Variants in DISP1 observed in about 807,000 individuals in gnomAD.
The protein encoded by DISP1 is dispatched RND transporter family member 1.
In DISP1, 30 loss-of-function variants were observed where a neutral mutation model predicts 37.3. The observed-to-expected ratio is 0.80, with a 90% CI of 0.60 to 1.09. DISP1 has a LOEUF of 1.09. Among genes scored for constraint, DISP1 ranks in the 50% least tolerant of loss-of-function variants. The pLI is 0.00. For missense variants in DISP1, 1,598 were observed against 1,879.5 expected, an observed-to-expected ratio of 0.85 and a Z score of 2.77; for synonymous variants, 634 against 690.2, an observed-to-expected ratio of 0.92 and a Z score of 1.28.
At chr1:222,857,731 T>C (rs750420614) in intron 1 of DISP1, among the ~76,000 whole-genome samples, 7 of 152,000 alleles carry the variant, frequency 4.6e-5, no homozygotes, top group Non-Finnish European at 8.8e-5. Flanking sequence ...ACAAGGGAAG[T>C]AAAGGACCTC....
chr1:222,965,863 C>T (rs1482083951), intron 3 of DISP1, among the ~76,000 whole-genome samples: 1 of 151,898 alleles, frequency 6.6e-6, no homozygotes, highest in Non-Finnish European at 1.5e-5. Context: ...AGTGAGACCT[C>T]GTCTCTTAAA....
chr1:222,833,759 T>A lies in DISP1; in HGVS notation c.-159+18681T>A, dbSNP rs1210895243. Reference sequence around the variant, plus strand: ...AGATTGATTTTTATGCAGAGACTTTTAGTATAGTAGATTTGGAGCTAGAAG... The same window carrying A: ...AGATTGATTTTTATGCAGAGACTTTAAGTATAGTAGATTTGGAGCTAGAAG... On this transcript the variant is annotated intron_variant, in intron 1 of 8. Coordinates refer to ENST00000675850, the MANE Select transcript of DISP1 (RefSeq NM_001377229.1). 6.4e-4 allele frequency among the ~76,000 whole-genome samples: 98 copies of A among 152,218 alleles called. 1 individual carries two copies. The highest frequency in any genetic ancestry group is 2.9e-5 in the Non-Finnish European group (2 of 68,048).
chr1:222,943,698 TA>T (rs1288667550), intron 3 of DISP1: 9 of 297,836 alleles, frequency 3.0e-5, no homozygotes. Flanking sequence ...TATTTGCTGT[TA>T]TTGATAGTGG....
chr1:222,859,596 C>T (rs1371401939), intron 1 of DISP1, among the ~76,000 whole-genome samples: 2 of 152,114 alleles, frequency 1.3e-5, no homozygotes, highest in African/African-American at 2.4e-5. Flanking sequence ...TAAATAAAGG[C>T]TCTTGGATAT....
Position 222,860,854 on chromosome 1 carries a change from C to T in DISP1, c.-159+45776C>T, listed in dbSNP as rs144846488. ...CACCACTGCACTCCAGCCTGGGAGA[C>T]AGAGTGAGACTTTGTCTCAAAAAAA... On this transcript the variant is annotated intron_variant, in intron 1 of 8. Transcript: ENST00000675850. 5.9e-3 allele frequency among the ~76,000 whole-genome samples: 903 copies of T among 151,936 alleles called. 8 individuals carry two copies. Among genetic ancestry groups the T allele is most frequent in the African/African-American group, 0.021 (850 of 41,440 alleles).
chr1:222,888,888 T>C (rs904052831), intron 1 of DISP1, among the ~76,000 whole-genome samples: 4 of 152,036 alleles, frequency 2.6e-5, no homozygotes, highest in African/African-American at 4.8e-5. Flanking sequence ...GCTTACTTTT[T>C]TCTCTTTCTT....
intron 2 of DISP1, among the ~76,000 whole-genome samples, chr1:222,937,673 A>G (rs1674055673): frequency 2.6e-5 from 4 of 152,108 alleles, no homozygotes. Flanking sequence ...AATAGGGGAT[A>G]TGAGATTAGA....
chr1:222,919,111 C>T (rs1458041078), intron 1 of DISP1, among the ~76,000 whole-genome samples: 3 of 152,316 alleles, frequency 2.0e-5, no homozygotes, highest in South Asian at 4.1e-4. Context: ...GAAGACTGAA[C>T]GAACCACCAA....
chr1:222,894,796 CCGGCGACGCTGCAGCGGCTGCTCCAGA>C lies in DISP1; in HGVS notation c.-158-33630_-158-33604del, dbSNP rs1389470845. ...CCCGGCTGTGCCTCCCCTGCTACAG[CCGGCGACGCTGCAGCGGCTGCTCCAGA>C]CGGGCTGCGGGTGCCATCATTATTA... On this transcript the variant is annotated intron_variant, in intron 1 of 8. Coordinates refer to ENST00000675850, the MANE Select transcript of DISP1 (RefSeq NM_001377229.1). Among the ~76,000 whole-genome samples the C allele has an allele frequency of 2.6e-5, 4 of 152,262 alleles. No individual in the cohort carries two copies. In the East Asian group the frequency reaches 7.7e-4, roughly 29 times the overall value.
At chr1:222,950,746 AG>A (rs1196714397) in intron 3 of DISP1, among the ~76,000 whole-genome samples, 5 of 152,192 alleles carry the variant, frequency 3.3e-5, no homozygotes, top group African/African-American at 2.4e-5. Context: ...ACCTCTCAAA[AG>A]CCAGTCACAT....
chr1:222,839,668 C>A (rs183765646), intron 1 of DISP1, among the ~76,000 whole-genome samples: 84 of 152,246 alleles, frequency 5.5e-4, no homozygotes, highest in Middle Eastern at 3.4e-3. Flanking sequence ...GGCATGGTGG[C>A]TCATACCTGT....
rs567548302 is a variant in DISP1, at chr1:222,897,643, A to G, written c.-158-30787A>G. Among the ~76,000 whole-genome samples the G allele has an allele frequency of 8.5e-5, 13 of 152,288 alleles. No individual in the cohort carries two copies. In the East Asian group the frequency reaches 2.1e-3, roughly 25 times the overall value. ...ATTAAGCCTTCTGGGAGGCAATTCA[A>G]TGAACCTGTCATTAATCATTTTATT... On this transcript the variant is annotated intron_variant, in intron 1 of 8. Coordinates refer to ENST00000675850, the MANE Select transcript of DISP1 (RefSeq NM_001377229.1).
At chr1:222,947,735 G>A (rs1558349055) in intron 3 of DISP1, among the ~76,000 whole-genome samples, 1 of 151,824 alleles carries the variant, frequency 6.6e-6, no homozygotes, top group Admixed American at 6.6e-5. Context: ...TTTAAGAGTA[G>A]GCATCCTAAT....
At chr1:222,978,745 C>T (rs564715249) in intron 3 of DISP1, among the ~76,000 whole-genome samples, 1 of 152,130 alleles carries the variant, frequency 6.6e-6, no homozygotes, top group Admixed American at 6.5e-5. Flanking sequence ...ATATGGCTAG[C>T]CAGTTTTCCC....
intron 3 of DISP1, among the ~76,000 whole-genome samples, chr1:222,972,895 C>T (rs1027499232): frequency 1.3e-5 from 2 of 152,142 alleles, no homozygotes; most frequent in African/African-American, 4.8e-5. Flanking sequence ...TATTTCAAGA[C>T]CTACTGAACC....
At chr1:222,831,787 GGTT>G (rs1311634422) in intron 1 of DISP1, among the ~76,000 whole-genome samples, 3 of 152,110 alleles carry the variant, frequency 2.0e-5, no homozygotes, top group African/African-American at 7.2e-5. Context: ...GGACCAGTTT[GGTT>G]ATAATATATG....
intron 1 of DISP1, among the ~76,000 whole-genome samples, chr1:222,887,486 G>GTTTTTTTTTTTTTTTTTT (rs940346379): frequency 2.3e-4 from 19 of 83,108 alleles, no homozygotes; most frequent in East Asian, 3.8e-4. Flanking sequence ...CATTGTTTTT[G>GTTTTTTTTTTTTTTTTTT]TTTTTTTTTT....
At chr1:222,855,472 GC>G (rs1300593152) in intron 1 of DISP1, among the ~76,000 whole-genome samples, 1 of 152,194 alleles carries the variant, frequency 6.6e-6, no homozygotes, top group African/African-American at 2.4e-5. Flanking sequence ...TAGTTAGAAA[GC>G]AGTGTATTTT....
chr1:222,817,324 T>G (rs570164070), intron 1 of DISP1, among the ~76,000 whole-genome samples: 2 of 152,376 alleles, frequency 1.3e-5, no homozygotes, highest in East Asian at 1.9e-4. Flanking sequence ...TTGGAAGAAC[T>G]ATCAAAATAG....
Sources: gnomAD v4.1 joint callset for allele counts (sites outside exome capture counted in the v4.1 genomes callset) on GRCh38, gnomAD v4.1.1 for gene constraint, MANE v1.5 for transcripts, NCBI Gene and HGNC (gene_info 2026-07-23, HGNC 2026-07-21) for gene names.